PDE1C: variants seen among roughly 807,000 people sequenced by gnomAD.
The protein encoded by PDE1C is dual specificity calcium/calmodulin-dependent 3',5'-cyclic nucleotide phosphodiesterase 1C.
Under a neutral mutation model 93.1 loss-of-function variants are expected in PDE1C, and 62 were observed. That is an observed-to-expected ratio of 0.67 (90% confidence interval 0.54 to 0.82). The LOEUF (loss-of-function observed/expected upper bound fraction) is 0.82. Among genes scored for constraint, PDE1C ranks in the 40% least tolerant of loss-of-function variants. The probability of loss-of-function intolerance (pLI) is 0.00; values close to 1 mark genes in which losing one functional copy is unlikely to be tolerated. For synonymous variants in PDE1C, 325 were observed against 310.1 expected, an observed-to-expected ratio of 1.05 and a Z score of -0.50; for missense variants, 742 against 884.6, an observed-to-expected ratio of 0.84 and a Z score of 2.04.
chr7:31,861,501 G>A (rs762857959), intron 7 of PDE1C, among the ~76,000 whole-genome samples: 2 of 151,696 alleles, frequency 1.3e-5, no homozygotes, highest in African/African-American at 4.8e-5. Context: ...TGTCTACTAC[G>A]GATCTTAAAC....
chr7:32,004,425 C>A lies in PDE1C; in HGVS notation c.128+47129G>T, dbSNP rs150276032. 5.5e-3 allele frequency among the ~76,000 whole-genome samples: 839 copies of A among 152,240 alleles called. 7 individuals are homozygous for A. The highest frequency in any genetic ancestry group is 0.016 in the African/African-American group (671 of 41,540). On this transcript the variant is annotated intron_variant, in intron 2 of 17. Transcript: ENST00000396191. ...CTCTTACTGCATACAGGCCACCTGG[C>A]GTCCACTCCTCCTTTCCTCTGGCAG...
At chr7:31,958,696 G>A (rs973529477) in intron 2 of PDE1C, among the ~76,000 whole-genome samples, 7 of 151,888 alleles carry the variant, frequency 4.6e-5, no homozygotes, top group African/African-American at 1.7e-4. Flanking sequence ...AAAAAACTAG[G>A]TGCTATATAC....
intron 2 of PDE1C, among the ~76,000 whole-genome samples, chr7:31,917,691 A>G (rs1235505372): frequency 6.6e-6 from 1 of 152,226 alleles, no homozygotes. Flanking sequence ...TTATTACATT[A>G]AACTGCATTA....
rs1804268217 is a variant in PDE1C, at chr7:32,191,971, T to C, written c.136+17518A>G. Among the ~76,000 whole-genome samples, 4 of 152,200 alleles carry C rather than the reference T, an allele frequency of 2.6e-5. No individual in the cohort carries two copies. The South Asian group carries it at 8.3e-4, about 31-fold the overall frequency. On this transcript the variant is annotated intron_variant, in intron 2 of 18. Transcript: ENST00000396193. ...TCATGCATTTAATTTGCATTTTCCC[T>C]TTTCATATCTTTTTATGTGTTTATT...
chr7:31,816,422 A>G (rs889507892), intron 14 of PDE1C, among the ~76,000 whole-genome samples: 3 of 152,184 alleles, frequency 2.0e-5, no homozygotes, highest in Non-Finnish European at 4.4e-5. Flanking sequence ...TAATTGTATT[A>G]TTAATATCAC....
At chr7:31,944,900 A>T (rs1806397554) in intron 2 of PDE1C, among the ~76,000 whole-genome samples, 1 of 152,168 alleles carries the variant, frequency 6.6e-6, no homozygotes, top group Non-Finnish European at 1.5e-5. Flanking sequence ...TTTTAATTTT[A>T]GAATAATTTT....
At chr7:32,264,626 C>T (rs185513379) in intron 1 of PDE1C, among the ~76,000 whole-genome samples, 2 of 152,306 alleles carry the variant, frequency 1.3e-5, no homozygotes, top group East Asian at 3.9e-4. Flanking sequence ...TCCAGAACTT[C>T]GGTTGAATGC....
Position 31,848,024 on chromosome 7 carries a change from A to C in PDE1C, c.924T>G (p.Leu308=). ...ENHHLSAAYR[L]LQDDEEMNIL... Reference sequence around the variant, plus strand: ...TATTCATTTCCTCGTCATCTTGCAGAAGGCGATAAGCTGCACTTAAATGGT... The same window carrying C: ...TATTCATTTCCTCGTCATCTTGCAGCAGGCGATAAGCTGCACTTAAATGGT... Residue 308 remains leucine, a synonymous_variant, in exon 9 of 18, where the codon CTT becomes CTG. Transcript: ENST00000396191. 1 of 1,613,160 alleles carries C rather than the reference A, an allele frequency of 6.2e-7. No individual in the cohort carries two copies. Among genetic ancestry groups the C allele is most frequent in the Non-Finnish European group, 8.5e-7 (1 of 1,179,466 alleles).
At chr7:31,682,268 A>C in the PDE1C span, among the ~76,000 whole-genome samples, 5 of 152,234 alleles carry the variant, frequency 3.3e-5, no homozygotes, top group African/African-American at 1.2e-4. Flanking sequence ...GGAAAGGAAA[A>C]GAGAGAACTT....
chr7:31,716,369 T>C, the PDE1C span, among the ~76,000 whole-genome samples: 2 of 152,182 alleles, frequency 1.3e-5, no homozygotes, highest in African/African-American at 4.8e-5. Flanking sequence ...AGTTCTAATA[T>C]GCACAAATAT....
chr7:31,912,581 A>G (rs56055925), intron 2 of PDE1C, among the ~76,000 whole-genome samples: 81,188 of 151,856 alleles, frequency 0.53, 22,014 homozygotes, highest in Non-Finnish European at 0.57. Flanking sequence ...TAACTACTTC[A>G]GAGGCTGAGG....
chr7:32,350,120 CCTT>C (rs1024637410), intron 1 of PDE1C, among the ~76,000 whole-genome samples: 3 of 151,890 alleles, frequency 2.0e-5, no homozygotes, highest in Admixed American at 6.6e-5. Flanking sequence ...TCTTTTTCTT[CCTT>C]CTTCTTTTTC....
intron 3 of PDE1C, among the ~76,000 whole-genome samples, chr7:32,158,492 T>C (rs1801712757): frequency 6.6e-6 from 1 of 152,210 alleles, no homozygotes; most frequent in Non-Finnish European, 1.5e-5. Context: ...TCAATGACCA[T>C]TAGCTACTAC....
At chr7:32,181,760 A>G (rs1303608933) in intron 2 of PDE1C, among the ~76,000 whole-genome samples, 1 of 152,180 alleles carries the variant, frequency 6.6e-6, no homozygotes, top group African/African-American at 2.4e-5. Flanking sequence ...AAGAGCAAAC[A>G]TATTCAAAAG....
chr7:31,739,716 C>A, the PDE1C span, among the ~76,000 whole-genome samples: 1 of 152,126 alleles, frequency 6.6e-6, no homozygotes, highest in African/African-American at 2.4e-5. Context: ...ACTCTCAGTG[C>A]AGGAAAGGGA....
chr7:31,776,178 G>A (rs1328792467), intron 16 of PDE1C, among the ~76,000 whole-genome samples: 2 of 152,132 alleles, frequency 1.3e-5, no homozygotes, highest in South Asian at 2.1e-4. Context: ...AGGGAATCGG[G>A]GGTTTTGTCT....
At chr7:32,149,414 G>C (rs916774778) in intron 3 of PDE1C, among the ~76,000 whole-genome samples, 1 of 152,040 alleles carries the variant, frequency 6.6e-6, no homozygotes, top group African/African-American at 2.4e-5. Context: ...TGCTCATCTG[G>C]GCAATTCCAC....
At chr7:32,023,873 C>G (rs186018190) in intron 2 of PDE1C, among the ~76,000 whole-genome samples, 1 of 151,980 alleles carries the variant, frequency 6.6e-6, no homozygotes, top group Non-Finnish European at 1.5e-5. Context: ...ACAAAATTGT[C>G]ACAAATGCAA....
At position 32,156,691 on chromosome 7, in the gene PDE1C, G is replaced by A. The variant is rs370899823; in HGVS notation, c.308+13094C>T. Among the ~76,000 whole-genome samples, 78 of 152,274 alleles carry A rather than the reference G, an allele frequency of 5.1e-4. No homozygotes were observed. In the South Asian group the frequency reaches 0.011, roughly 21 times the overall value. The stretch of plus-strand genomic sequence containing the variant: ...CTAAAATGTAGAAAGGGAGAGAAAG[G>A]GAAAGCTCTTATTTACAGTCAAATA... On this transcript the variant is annotated intron_variant, in intron 3 of 18. Transcript: ENST00000396193.
Sources: gnomAD v4.1 joint callset for allele counts (sites outside exome capture counted in the v4.1 genomes callset) on GRCh38, gnomAD v4.1.1 for gene constraint, MANE v1.5 for transcripts, NCBI Gene and HGNC (gene_info 2026-07-23, HGNC 2026-07-21) for gene names.